ADAMTS17: variants seen among roughly 807,000 people sequenced by gnomAD.
The protein encoded by ADAMTS17 is A disintegrin and metalloproteinase with thrombospondin motifs 17.
In ADAMTS17, 113 loss-of-function variants were observed where a neutral mutation model predicts 141.5. That is an observed-to-expected ratio of 0.80 (90% CI 0.69 to 0.93). The LOEUF is 0.93. ADAMTS17 is among the 40% of genes least tolerant of loss of function. ADAMTS17 has a pLI of 0.00. For missense variants in ADAMTS17, 1,659 were observed against 1,517.9 expected, an observed-to-expected ratio of 1.09 and a Z score of -1.54; for synonymous variants, 768 against 630.6, an observed-to-expected ratio of 1.22 and a Z score of -3.27.
At chr15:100,087,898 A>C (rs1329458665) in intron 15 of ADAMTS17, among the ~76,000 whole-genome samples, 1 of 152,218 alleles carries the variant, frequency 6.6e-6, no homozygotes, top group African/African-American at 2.4e-5. Flanking sequence ...AATGGGCAAA[A>C]ACTGGAAGCA....
At chr15:100,335,648 T>C (rs945087416) in intron 2 of ADAMTS17, among the ~76,000 whole-genome samples, 2 of 152,202 alleles carry the variant, frequency 1.3e-5, no homozygotes, top group African/African-American at 4.8e-5. Context: ...ACTAGAAAAG[T>C]CTGGGAACAG....
At chr15:100,050,593 A>G (rs1038052798) in intron 17 of ADAMTS17, among the ~76,000 whole-genome samples, 1 of 152,226 alleles carries the variant, frequency 6.6e-6, no homozygotes, top group African/African-American at 2.4e-5. Flanking sequence ...ACTCCTACCC[A>G]TGAAAAATGG....
At chr15:100,252,818 T>C (rs779030401) in intron 7 of ADAMTS17, among the ~76,000 whole-genome samples, 1 of 152,214 alleles carries the variant, frequency 6.6e-6, no homozygotes, top group African/African-American at 2.4e-5. Context: ...TGAAGTGTAA[T>C]ATATTAAAAA....
intron 2 of ADAMTS17, among the ~76,000 whole-genome samples, chr15:100,338,665 G>A (rs907756917): frequency 9.2e-5 from 14 of 151,868 alleles, no homozygotes; most frequent in Non-Finnish European, 1.3e-4. Flanking sequence ...AGGACACTTC[G>A]AAATGCCCCT....
intron 3 of ADAMTS17, among the ~76,000 whole-genome samples, chr15:100,312,919 T>C (rs2045449433): frequency 6.6e-6 from 1 of 152,190 alleles, no homozygotes; most frequent in Non-Finnish European, 1.5e-5. Context: ...ACATTTAAAT[T>C]GGAAAATCTA....
At chr15:100,099,771 G>T (rs74802161) in intron 14 of ADAMTS17, among the ~76,000 whole-genome samples, 52 of 40,074 alleles carry the variant, frequency 1.3e-3, no homozygotes, top group African/African-American at 3.3e-3. Flanking sequence ...GGGATGGAAC[G>T]GGGGGAAAAG....
intron 8 of ADAMTS17, among the ~76,000 whole-genome samples, chr15:100,188,470 CA>C (rs2040802826): frequency 6.6e-6 from 1 of 152,110 alleles, no homozygotes; most frequent in African/African-American, 2.4e-5. Context: ...CATTCTTCTT[CA>C]GTGTTTCTGA....
chr15:100,316,885 G>A (rs922299863), intron 3 of ADAMTS17, among the ~76,000 whole-genome samples: 4 of 152,228 alleles, frequency 2.6e-5, no homozygotes, highest in African/African-American at 9.6e-5. Flanking sequence ...CCCTGCCCAA[G>A]GCCACTAGGC....
At chr15:100,206,909 A>G (rs531114847) in intron 7 of ADAMTS17, among the ~76,000 whole-genome samples, 1 of 152,342 alleles carries the variant, frequency 6.6e-6, no homozygotes, top group African/African-American at 2.4e-5. Flanking sequence ...GAGCAGCCAC[A>G]GGCAGGGCCA....
chr15:99,987,322 G>GCTA (rs201626687), intron 20 of ADAMTS17, among the ~76,000 whole-genome samples: 1 of 152,320 alleles, frequency 6.6e-6, no homozygotes, highest in African/African-American at 2.4e-5. Context: ...GCATGCTGCT[G>GCTA]CTGCTGCTGC....
chr15:100,256,501 T>C (rs2082583212), intron 6 of ADAMTS17: 1 of 152,328 alleles, frequency 6.6e-6, no homozygotes, highest in East Asian at 1.9e-4. Context: ...CCAGCAGCCA[T>C]GGCCTCACGA....
intron 8 of ADAMTS17, among the ~76,000 whole-genome samples, chr15:100,160,591 C>G (rs111232949): frequency 6.6e-6 from 1 of 152,190 alleles, no homozygotes; most frequent in African/African-American, 2.4e-5. Context: ...GTTACAAAAG[C>G]GCTTGGAAAA....
chr15:99,997,424 C>T lies in ADAMTS17; in HGVS notation c.2757G>A (p.Gln919=), dbSNP rs778485857. The T allele has an allele frequency of 3.7e-6, 6 of 1,613,778 alleles. No individual in the cohort carries two copies. The highest frequency in any genetic ancestry group is 5.1e-6 in the Non-Finnish European group (6 of 1,180,006). Residue 919 remains glutamine (Q), a synonymous_variant, in exon 19 of 22, where the codon CAG becomes CAA. Coordinates refer to ENST00000268070, the MANE Select transcript of ADAMTS17 (RefSeq NM_139057.4). This position sits in a 1 kb window ranked among gnomAD's most constrained non-coding sequence, Gnocchi z 4.7. The part of the protein sequence containing the change: ...RPAAVQSCEG[Q]DCLSIWEASE... ...ACGCCTCCCAGATGGACAGGCAGTCCTGGCCTTCACAGCTCTGCACTGCCG... is the reference window on the plus strand; with the variant it reads ...ACGCCTCCCAGATGGACAGGCAGTCTTGGCCTTCACAGCTCTGCACTGCCG...
At chr15:100,301,576 C>A (rs1222699679) in intron 3 of ADAMTS17, among the ~76,000 whole-genome samples, 1 of 148,872 alleles carries the variant, frequency 6.7e-6, no homozygotes, top group African/African-American at 2.5e-5. Context: ...ATGTTGTGAT[C>A]CACCTCAGCC....
chr15:100,309,404 G>A (rs1313316136), intron 3 of ADAMTS17, among the ~76,000 whole-genome samples: 1 of 152,212 alleles, frequency 6.6e-6, no homozygotes, highest in Non-Finnish European at 1.5e-5. Context: ...AGCTGTGATG[G>A]TGGTCGGCGC....
intron 7 of ADAMTS17, among the ~76,000 whole-genome samples, chr15:100,201,927 C>A: frequency 6.6e-6 from 1 of 152,104 alleles, no homozygotes; most frequent in East Asian, 1.9e-4. Flanking sequence ...ACGCGGCCCA[C>A]GTGGGTGCAC....
At chr15:100,035,155 C>A (rs1261064112) in intron 18 of ADAMTS17, among the ~76,000 whole-genome samples, 1 of 152,148 alleles carries the variant, frequency 6.6e-6, no homozygotes, top group Non-Finnish European at 1.5e-5. Context: ...TGAACAGAGG[C>A]CAGGCATGCA....
chr15:100,032,202 TCTGA>T (rs1406787174), intron 18 of ADAMTS17, among the ~76,000 whole-genome samples: 1 of 152,024 alleles, frequency 6.6e-6, no homozygotes, highest in Non-Finnish European at 1.5e-5. Context: ...TTACTTGGGG[TCTGA>T]CTGAGAGTCC....
intron 12 of ADAMTS17, among the ~76,000 whole-genome samples, chr15:100,128,070 A>G (rs2037836753): frequency 6.6e-6 from 1 of 152,158 alleles, no homozygotes; most frequent in Non-Finnish European, 1.5e-5. Context: ...AGGAAACTGC[A>G]TGGACTCAGT....
Sources: allele counts gnomAD v4.1 joint callset (sites outside exome capture counted in the v4.1 genomes callset), GRCh38; gene constraint gnomAD v4.1.1; non-coding constraint Gnocchi (gnomAD v3.1); transcripts MANE v1.5; gene names NCBI Gene and HGNC (gene_info 2026-07-23, HGNC 2026-07-21).